The following LDLRAD4 variants were observed in gnomAD, a reference collection of about 807,000 sequenced individuals.
LDLRAD4 encodes the protein low-density lipoprotein receptor class A domain-containing protein 4.
LDLRAD4 carries 5 observed loss-of-function variants against 17.0 expected under a neutral mutation model. The ratio of observed to expected loss-of-function variants is 0.29; its 90% confidence interval spans 0.15 to 0.62. The LOEUF is 0.62. LDLRAD4 is among the 20% of genes least tolerant of loss of function. The pLI is 0.84. For synonymous variants in LDLRAD4, 168 were observed against 171.8 expected (o/e 0.98, Z 0.17); for missense variants, 340 against 424.7 (o/e 0.80, Z 1.75).
At chr18:13,253,241 G>A (rs1314272241) in intron 1 of LDLRAD4, among the ~76,000 whole-genome samples, 1 of 152,048 alleles carries the variant, frequency 6.6e-6, no homozygotes, top group Non-Finnish European at 1.5e-5. Context: ...GACGTGGGGT[G>A]GGGGGTGTGA....
intron 3 of LDLRAD4, among the ~76,000 whole-genome samples, chr18:13,450,323 C>T (rs2091728609): frequency 3.2e-5 from 2 of 63,384 alleles, no homozygotes; most frequent in Non-Finnish European, 6.9e-5. Flanking sequence ...CTTCTCTCCC[C>T]CCACCCCCCC....
chr18:13,243,677 C>A (rs2042788576), intron 1 of LDLRAD4, among the ~76,000 whole-genome samples: 1 of 150,628 alleles, frequency 6.6e-6, no homozygotes. Flanking sequence ...TCTACCCATC[C>A]ATCTATCATC....
chr18:13,226,180 C>CTTGTTTTTTTTTTTT (rs2041781438), intron 1 of LDLRAD4, among the ~76,000 whole-genome samples: 1 of 52,188 alleles, frequency 1.9e-5, no homozygotes, highest in Non-Finnish European at 3.3e-5. Flanking sequence ...CCATGCCTTG[C>CTTGTTTTTTTTTTTT]TTTTTTTTTT....
intron 3 of LDLRAD4, among the ~76,000 whole-genome samples, chr18:13,577,063 T>A (rs2094784119): frequency 7.4e-6 from 1 of 135,190 alleles, no homozygotes; most frequent in Non-Finnish European, 1.6e-5. Context: ...ATTTTTGTTT[T>A]TATTTGCGGT....
chr18:13,272,020 C>T (rs904098290), intron 1 of LDLRAD4, among the ~76,000 whole-genome samples: 17 of 152,054 alleles, frequency 1.1e-4, no homozygotes, highest in Admixed American at 4.6e-4. Context: ...CTCAGCCTCC[C>T]GAGGAGCTGG....
chr18:13,573,943 A>G (rs184505550), intron 3 of LDLRAD4, among the ~76,000 whole-genome samples: 3 of 152,266 alleles, frequency 2.0e-5, no homozygotes, highest in Admixed American at 1.3e-4. Flanking sequence ...CAGGAACCTC[A>G]TGAAAGACAG....
At chr18:13,393,921 C>T (rs562131382) in intron 2 of LDLRAD4, among the ~76,000 whole-genome samples, 2 of 152,328 alleles carry the variant, frequency 1.3e-5, no homozygotes, top group African/African-American at 4.8e-5. Context: ...TCTCTCTTTC[C>T]ACCACCTTCC....
intron 3 of LDLRAD4, among the ~76,000 whole-genome samples, chr18:13,576,735 T>G (rs2094778862): frequency 6.6e-6 from 1 of 152,142 alleles, no homozygotes; most frequent in Non-Finnish European, 1.5e-5. Flanking sequence ...GGACCACAGA[T>G]AGTCATGGTA....
At chr18:13,324,452 A>AT (rs1599414003) in intron 1 of LDLRAD4, among the ~76,000 whole-genome samples, 1 of 151,982 alleles carries the variant, frequency 6.6e-6, no homozygotes, top group Non-Finnish European at 1.5e-5. Flanking sequence ...TCAAGTGTCT[A>AT]TTTTTTGACA....
chr18:13,603,191 A>G (rs1410339568), intron 3 of LDLRAD4, among the ~76,000 whole-genome samples: 2 of 152,158 alleles, frequency 1.3e-5, no homozygotes, highest in African/African-American at 2.4e-5. Context: ...TTACTTTAAC[A>G]TAAAGGAAAA....
chr18:13,279,190 A>T lies in LDLRAD4; in HGVS notation c.-383+1002A>T, dbSNP rs182761044. Among the ~76,000 whole-genome samples, 339 of 152,246 alleles carry T rather than the reference A, an allele frequency of 2.2e-3. 1 individual carries two copies. The highest frequency in any genetic ancestry group is 6.4e-3 in the South Asian group (31 of 4,818). On this transcript the variant is annotated intron_variant, in intron 1 of 5. Transcript: ENST00000359446. The stretch of plus-strand genomic sequence containing the variant: ...GGGGTGGAAAGAGCTCACGGGGAAC[A>T]CCCAGACCGCACGCCTTGTGGATGT...
chr18:13,397,891 G>A (rs1475964493), intron 2 of LDLRAD4, among the ~76,000 whole-genome samples: 3 of 152,236 alleles, frequency 2.0e-5, no homozygotes, highest in African/African-American at 4.8e-5. Flanking sequence ...CTTGATCTCA[G>A]CGCACGCTGT....
chr18:13,642,028 C>G (rs527320851), intron 4 of LDLRAD4: 1 of 985,330 alleles, frequency 1.0e-6, no homozygotes, highest in East Asian at 1.1e-4. Flanking sequence ...CCCGCTGGCG[C>G]CGGACCCCCG....
At chr18:13,495,609 A>G (rs574794354) in intron 3 of LDLRAD4, among the ~76,000 whole-genome samples, 1 of 152,320 alleles carries the variant, frequency 6.6e-6, no homozygotes, top group East Asian at 1.9e-4. Context: ...GGATTCTGAA[A>G]TCTTCCCTCA....
chr18:13,501,306 G>A (rs2147286584), intron 3 of LDLRAD4: 1 of 152,348 alleles, frequency 6.6e-6, no homozygotes, highest in East Asian at 1.9e-4. Flanking sequence ...GTCTCCTGCA[G>A]TAGAAATATT....
At chr18:13,292,165 A>G (rs1297742534) in intron 1 of LDLRAD4, among the ~76,000 whole-genome samples, 1 of 152,168 alleles carries the variant, frequency 6.6e-6, no homozygotes, top group Non-Finnish European at 1.5e-5. Flanking sequence ...AGATAATGGT[A>G]GAGCATGTCT....
intron 4 of LDLRAD4, among the ~76,000 whole-genome samples, chr18:13,627,266 T>C (rs967799763): frequency 4.6e-5 from 7 of 151,870 alleles, no homozygotes; most frequent in African/African-American, 1.7e-4. Context: ...ATCTCAAAAA[T>C]AAAAAAATAA....
intron 3 of LDLRAD4, among the ~76,000 whole-genome samples, chr18:13,532,463 C>G (rs777663337): frequency 6.6e-6 from 1 of 152,284 alleles, no homozygotes; most frequent in African/African-American, 2.4e-5. Context: ...CAAGCGACCG[C>G]GTAGTTGGGA....
At chr18:13,519,527 G>A (rs966462297) in intron 3 of LDLRAD4, among the ~76,000 whole-genome samples, 3 of 152,190 alleles carry the variant, frequency 2.0e-5, no homozygotes, top group South Asian at 4.1e-4. Context: ...TTGGAAGGCC[G>A]AGGCGGGCAG....
Sources: allele counts gnomAD v4.1 joint callset (sites outside exome capture counted in the v4.1 genomes callset), GRCh38; gene constraint gnomAD v4.1.1; transcripts MANE v1.5; gene names NCBI Gene and HGNC (gene_info 2026-07-23, HGNC 2026-07-21).